Variants in CHAC2 observed in about 807,000 individuals in gnomAD.
CHAC2 encodes glutathione-specific gamma-glutamylcyclotransferase 2.
In CHAC2, 20 loss-of-function variants were observed where a neutral mutation model predicts 16.9. That is an observed-to-expected ratio of 1.18 (90% CI 0.83 to 1.72). The LOEUF (loss-of-function observed/expected upper bound fraction) is 1.72, where lower values mean the gene tolerates loss of function less well. CHAC2 is among the 40% of genes most tolerant of loss of function. The pLI, the probability that CHAC2 is intolerant of heterozygous loss-of-function variation, is 0.00. For synonymous variants in CHAC2, 91 were observed against 77.3 expected (o/e 1.18, Z -0.93); for missense variants, 269 against 222.2 (o/e 1.21, Z -1.34).
At chr2:53,773,851 G>A (rs1046627984) in intron 2 of CHAC2, among the ~76,000 whole-genome samples, 11 of 151,774 alleles carry the variant, frequency 7.2e-5, no homozygotes, top group African/African-American at 1.9e-4. Flanking sequence ...CCTGGCCAAC[G>A]TGACAAAACC....
intron 2 of CHAC2, among the ~76,000 whole-genome samples, chr2:53,772,214 G>C (rs532606537): frequency 6.6e-6 from 1 of 151,948 alleles, no homozygotes; most frequent in Non-Finnish European, 1.5e-5. Flanking sequence ...TAGCTCTGTC[G>C]CCCAGGCTGG....
In CHAC2 at chr2:53,774,616, A is replaced by C; in HGVS notation, c.*91A>C. ...AGATCTTATTTTTAATGTAGTGAGGATATTATTTAAACTTTTATTTTAACT... is the reference window on the plus strand; with the variant it reads ...AGATCTTATTTTTAATGTAGTGAGGCTATTATTTAAACTTTTATTTTAACT... On this transcript the variant is annotated 3_prime_UTR_variant, in exon 3 of 3. Transcript: ENST00000295304. 1.1e-6 allele frequency: 1 copy of C among 939,102 alleles called. No homozygotes were observed. The highest frequency in any genetic ancestry group is 1.5e-6 in the Non-Finnish European group (1 of 658,168). 58.2% of individuals were successfully genotyped at this position (939,102 alleles called of 1,614,324 possible). A position where few individuals can be genotyped will look rare whatever the true frequency, so the allele number is the denominator to read the frequency against.
intron 2 of CHAC2, 123 bp downstream of exon 2, chr2:53,772,065 C>G: frequency 3.2e-6 from 2 of 623,662 alleles, no homozygotes; most frequent in Non-Finnish European, 2.7e-6. Flanking sequence ...GAATTCTTCT[C>G]TGTATTTGTG....
rs769412002 is a variant in CHAC2 at position 53,771,911 on chromosome 2, G to A, written c.140G>A (p.Gly47Glu). 3 of 1,565,118 alleles carry A rather than the reference G, an allele frequency of 1.9e-6. No homozygotes were observed. The highest frequency in any genetic ancestry group is 2.6e-6 in the Non-Finnish European group (3 of 1,151,344). ...TTTTTTACCTTTTTAAAACAGCCTG[G>A]AAGAGTTGTGACTCTTGTTGAAGAT... Reference protein sequence around the residue: ...TDHRGVPGKPGRVVTLVEDPA... With the variant: ...TDHRGVPGKPERVVTLVEDPA... The change falls in exon 2 of 3, where the codon GGA becomes GAA. Residue 47 changes from glycine (G) to glutamate (E), a missense_variant. Coordinates refer to ENST00000295304, the MANE Select transcript of CHAC2 (RefSeq NM_001008708.4).
chr2:53,774,536 AG>A lies in CHAC2; in HGVS notation c.*12del, dbSNP rs1287009643. ...CTCAATTGCATATAATTTAGTCTTC[AG>A]AGAATTAACTTCAGTGCACAATGAC... On this transcript the variant is annotated 3_prime_UTR_variant, in exon 3 of 3. Coordinates refer to ENST00000295304, the MANE Select transcript of CHAC2 (RefSeq NM_001008708.4). 1 of 1,516,178 alleles carries A rather than the reference AG, an allele frequency of 6.6e-7. No homozygotes were observed. Among genetic ancestry groups the A allele is most frequent in the South Asian group, 1.4e-5 (1 of 73,414 alleles). The allele number at this position is 1,516,178 out of a possible 1,614,324, so 93.9% of individuals were successfully genotyped here. A position where few individuals can be genotyped will look rare whatever the true frequency, so the allele number is the denominator to read the frequency against.
intron 1 of CHAC2, among the ~76,000 whole-genome samples, chr2:53,768,574 G>A (rs980985744): frequency 1.3e-5 from 2 of 152,064 alleles, no homozygotes; most frequent in East Asian, 3.8e-4. Context: ...CAAAATTTTC[G>A]CTGGTTATTA....
In CHAC2 at chr2:53,771,882, A is replaced by T. The variant is rs199773130; in HGVS notation, c.136-25A>T. On this transcript the variant is annotated intron_variant, in intron 1 of 2. Coordinates refer to ENST00000295304, the MANE Select transcript of CHAC2 (RefSeq NM_001008708.4). ...TAATGAACTTTATTAATTCAGAAAA[A>T]TTTTTTTTTACCTTTTTAAAACAGC... The T allele has an allele frequency of 2.7e-4, 401 of 1,473,202 alleles. 1 individual carries two copies. The highest frequency in any genetic ancestry group is 1.6e-3 in the South Asian group (128 of 79,540). 91.3% of individuals were successfully genotyped at this position (1,473,202 alleles called of 1,614,324 possible).
chr2:53,768,962 G>C (rs1432591862), intron 1 of CHAC2, among the ~76,000 whole-genome samples: 1 of 152,214 alleles, frequency 6.6e-6, no homozygotes, highest in South Asian at 2.1e-4. Flanking sequence ...AGAGACATGG[G>C]ATTAAAATCA....
chr2:53,768,149 T>C, intron 1 of CHAC2, 128 bp downstream of exon 1: 1 of 1,107,104 alleles, frequency 9.0e-7, no homozygotes, highest in South Asian at 1.7e-5. Flanking sequence ...TGGCTTGGGG[T>C]AACATTTCTG....
rs1005273456 is a variant in CHAC2 at position 53,772,025 on chromosome 2, T to C, written c.171+83T>C. ...TCTGTTTCAATTTGATTAACAATCATCACAGACAATTTGAACTACCCTAAA... is the reference window on the plus strand; with the variant it reads ...TCTGTTTCAATTTGATTAACAATCACCACAGACAATTTGAACTACCCTAAA... On this transcript the variant is annotated intron_variant, in intron 2 of 2. Transcript: ENST00000295304. 7.3e-6 allele frequency: 6 copies of C among 819,860 alleles called. No individual in the cohort carries two copies. In the African/African-American group the frequency reaches 1.1e-4, roughly 15 times the overall value. 50.8% of individuals were successfully genotyped at this position (819,860 alleles called of 1,614,324 possible). A position where few individuals can be genotyped will look rare whatever the true frequency, so the allele number is the denominator to read the frequency against.
At position 53,767,859 on chromosome 2, in the gene CHAC2, G is replaced by C; in HGVS notation, c.-28G>C. 6.3e-7 allele frequency: 1 copy of C among 1,588,510 alleles called. No individual in the cohort carries two copies. Among genetic ancestry groups the C allele is most frequent in the East Asian group, 2.3e-5 (1 of 43,918 alleles). On this transcript the variant is annotated 5_prime_UTR_variant, in exon 1 of 3. Transcript: ENST00000295304. ...GGCGCGGCGACAGCTAGGGTTCACG[G>C]CCACTGGGGCAGAGGAGCCGCGAGA... is the stretch of plus-strand genomic sequence containing the variant.
intron 1 of CHAC2, among the ~76,000 whole-genome samples, chr2:53,771,019 C>G (rs184535055): frequency 1.5e-4 from 23 of 152,200 alleles, no homozygotes; most frequent in African/African-American, 5.5e-4. Flanking sequence ...AGTATGAGCC[C>G]CAGAACAATT....
intron 2 of CHAC2, among the ~76,000 whole-genome samples, 160 bp downstream of exon 2, chr2:53,772,102 A>G (rs1673961993): frequency 6.6e-6 from 1 of 152,050 alleles, no homozygotes; most frequent in African/African-American, 2.4e-5. Context: ...GTGAAAACTG[A>G]GGCCAATAAG....
At position 53,774,642 on chromosome 2, in the gene CHAC2, G is replaced by A. The variant is rs1316720541; in HGVS notation, c.*117G>A. 6.8e-6 allele frequency: 5 copies of A among 734,586 alleles called. No homozygotes were observed. Among genetic ancestry groups the A allele is most frequent in the Non-Finnish European group, 1.0e-5 (5 of 495,178 alleles). 45.5% of individuals were successfully genotyped at this position (734,586 alleles called of 1,614,324 possible). ...TATTATTTAAACTTTTATTTTAACT[G>A]GAAATGTCCTGAAACACATATTTAA... On this transcript the variant is annotated 3_prime_UTR_variant, in exon 3 of 3. Coordinates refer to ENST00000295304, the MANE Select transcript of CHAC2 (RefSeq NM_001008708.4).
At chr2:53,771,882 A>AT (rs746728169) in intron 1 of CHAC2, 25 bp from the exon 2 acceptor site, 300 of 1,471,784 alleles carry the variant, frequency 2.0e-4, no homozygotes, top group Non-Finnish European at 2.4e-4. Flanking sequence ...ATTCAGAAAA[A>AT]TTTTTTTTTA....
chr2:53,768,212 TC>T, intron 1 of CHAC2, 191 bp downstream of exon 1: 1 of 623,624 alleles, frequency 1.6e-6, no homozygotes, highest in Admixed American at 3.2e-5. Flanking sequence ...GGGCACTCCT[TC>T]CGAAGCTGCT....
At chr2:53,768,156 T>A in intron 1 of CHAC2, 135 bp downstream of exon 1, 1 of 1,044,082 alleles carries the variant, frequency 9.6e-7, no homozygotes, top group Non-Finnish European at 1.3e-6. Flanking sequence ...GGGTAACATT[T>A]CTGTAGATTT....
rs2104113360 is a variant in CHAC2 at position 53,767,855 on chromosome 2, C to G, written c.-32C>G. On this transcript the variant is annotated 5_prime_UTR_variant, in exon 1 of 3. Coordinates refer to ENST00000295304, the MANE Select transcript of CHAC2 (RefSeq NM_001008708.4). ...CGGCGGCGCGGCGACAGCTAGGGTTCACGGCCACTGGGGCAGAGGAGCCGC... is the reference window on the plus strand; with the variant it reads ...CGGCGGCGCGGCGACAGCTAGGGTTGACGGCCACTGGGGCAGAGGAGCCGC... The G allele has an allele frequency of 6.3e-7, 1 of 1,584,874 alleles. No homozygotes were observed. Among genetic ancestry groups the G allele is most frequent in the East Asian group, 2.3e-5 (1 of 43,784 alleles).
At chr2:53,771,009 A>G (rs946517055) in intron 1 of CHAC2, among the ~76,000 whole-genome samples, 6 of 152,204 alleles carry the variant, frequency 3.9e-5, no homozygotes, top group African/African-American at 1.4e-4. Context: ...TGGTTCTTAA[A>G]GTATGAGCCC....
Sources: gnomAD v4.1 joint callset for allele counts (sites outside exome capture counted in the v4.1 genomes callset) on GRCh38, gnomAD v4.1.1 for gene constraint, MANE v1.5 for transcripts, NCBI Gene and HGNC (gene_info 2026-07-23, HGNC 2026-07-21) for gene names.